Variants in ZSWIM4 observed in about 807,000 individuals in gnomAD.
ZSWIM4 encodes zinc finger SWIM domain-containing protein 4.
In ZSWIM4, 62 loss-of-function variants were observed where a neutral mutation model predicts 102.5. The observed-to-expected ratio is 0.60, with a 90% CI of 0.49 to 0.75. ZSWIM4 has a LOEUF of 0.75. Ranked by LOEUF, ZSWIM4 falls within the 30% of genes least tolerant of loss-of-function variation. ZSWIM4 has a pLI of 0.00. For synonymous variants in ZSWIM4, 652 were observed against 674.5 expected, an observed-to-expected ratio of 0.97 and a Z score of 0.52; for missense variants, 1,280 against 1,529.6, an observed-to-expected ratio of 0.84 and a Z score of 2.72.
Position 13,817,629 on chromosome 19 carries a change from C to A in ZSWIM4, c.1670-93C>A, listed in dbSNP as rs1029592081. The A allele has an allele frequency of 6.8e-6, 10 of 1,477,894 alleles. No homozygotes were observed. The African/African-American group carries it at 9.7e-5, about 14-fold the overall frequency. The allele number at this position is 1,477,894 out of a possible 1,614,324, so 91.5% of individuals were successfully genotyped here. On this transcript the variant is annotated intron_variant, in intron 8 of 13. Coordinates refer to ENST00000590508, the MANE Select transcript of ZSWIM4 (RefSeq NM_001367834.3). ...CTTCTGGGCTCCCTCTAAAGCCTAC[C>A]CTGCGCCCAGGTCTCCATGCTTGAG...
At chr19:13,830,170 C>A in intron 13 of ZSWIM4, 21 bp from the exon 14 acceptor site, 1 of 1,598,424 alleles carries the variant, frequency 6.3e-7, no homozygotes, top group Non-Finnish European at 8.5e-7. Flanking sequence ...TGACGGATTT[C>A]CCTCCCTCAC....
Position 13,830,461 on chromosome 19 carries a change from A to T in ZSWIM4, c.2732A>T (p.Asp911Val). ...AFEAAYQIVLDAAAGGLGHAH... is the reference protein window; with the variant it reads ...AFEAAYQIVLVAAAGGLGHAH... ...GAGGCGGCCTACCAGATCGTGCTGGACGCGGCGGCCGGCGGCCTGGGCCAC... is the reference window on the plus strand; with the variant it reads ...GAGGCGGCCTACCAGATCGTGCTGGTCGCGGCGGCCGGCGGCCTGGGCCAC... Residue 911 changes from aspartate (D) to valine (V), a missense_variant, in exon 14 of 14, where the codon GAC becomes GTC. Physicochemically the swap from Asp to Val is radical, Grantham distance 152. Transcript: ENST00000590508. 6.2e-7 allele frequency: 1 copy of T among 1,605,300 alleles called. No individual in the cohort carries two copies. The highest frequency in any genetic ancestry group is 1.1e-5 in the South Asian group (1 of 91,066).
chr19:13,802,222 C>T (rs1324466782), intron 2 of ZSWIM4, among the ~76,000 whole-genome samples: 6 of 151,542 alleles, frequency 4.0e-5, no homozygotes, highest in Non-Finnish European at 8.8e-5. Context: ...GTGATCCGCC[C>T]GCCTCAGCCT....
rs916722763 is a variant in ZSWIM4, at chr19:13,814,607, G to A, written c.1273G>A (p.Ala425Thr). Reference protein sequence around the residue: ...LLAGELHWNDAYLQRILASDS... With the variant: ...LLAGELHWNDTYLQRILASDS... ...GGCTGGAGAGCTACACTGGAATGAC[G>A]CCTACCTGCAGAGGATCCTGGCCAG... The change falls in exon 7 of 14, where the codon GCC becomes ACC. Residue 425 changes from alanine (A) to threonine (T), a missense_variant. Transcript: ENST00000590508. 40 of 1,237,878 alleles carry A rather than the reference G, an allele frequency of 3.2e-5. No homozygotes were observed. Among genetic ancestry groups the A allele is most frequent in the East Asian group, 6.2e-5 (1 of 16,210 alleles). 76.7% of individuals were successfully genotyped at this position (1,237,878 alleles called of 1,614,324 possible). A position where few individuals can be genotyped will look rare whatever the true frequency, so the allele number is the denominator to read the frequency against.
In ZSWIM4 at chr19:13,814,628, G is replaced by A. The variant is rs1183912890; in HGVS notation, c.1294G>A (p.Ala432Thr). The A allele has an allele frequency of 2.1e-5, 27 of 1,256,180 alleles. No homozygotes were observed. Among genetic ancestry groups the A allele is most frequent in the Non-Finnish European group, 2.8e-5 (27 of 965,742 alleles). 77.8% of individuals were successfully genotyped at this position (1,256,180 alleles called of 1,614,324 possible). ...WNDAYLQRILASDSYGPSLTG... is the reference protein window; with the variant it reads ...WNDAYLQRILTSDSYGPSLTG... ...TGACGCCTACCTGCAGAGGATCCTG[G>A]CCAGTGACTCCTACGGGCCCAGCCT... Residue 432 changes from alanine to threonine, a missense_variant, in exon 7 of 14, where the codon GCC becomes ACC. Coordinates refer to ENST00000590508, the MANE Select transcript of ZSWIM4 (RefSeq NM_001367834.3).
chr19:13,811,634 G>A (rs770575538), intron 5 of ZSWIM4, among the ~76,000 whole-genome samples: 7 of 152,146 alleles, frequency 4.6e-5, no homozygotes, highest in Non-Finnish European at 8.8e-5. Context: ...AGGAGTTCGA[G>A]TGCAGCTTAG....
intron 2 of ZSWIM4, among the ~76,000 whole-genome samples, chr19:13,802,732 C>G (rs988119702): frequency 3.9e-5 from 6 of 152,050 alleles, no homozygotes; most frequent in African/African-American, 1.4e-4. Context: ...GCGCAGGCCA[C>G]CACACTTGAC....
At chr19:13,808,789 C>T in intron 3 of ZSWIM4, 47 bp from the exon 4 acceptor site, 1 of 1,530,378 alleles carries the variant, frequency 6.5e-7, no homozygotes, top group Middle Eastern at 2.0e-4. Context: ...CCAACCCAAC[C>T]CCAACTCCAG....
chr19:13,827,800 G>T (rs745420880), intron 12 of ZSWIM4, among the ~76,000 whole-genome samples: 2 of 152,054 alleles, frequency 1.3e-5, no homozygotes, highest in Non-Finnish European at 2.9e-5. Flanking sequence ...ACCTGTGGAT[G>T]GGGCCTCAGG....
At chr19:13,827,191 G>A (rs1014791852) in intron 12 of ZSWIM4, among the ~76,000 whole-genome samples, 1 of 152,074 alleles carries the variant, frequency 6.6e-6, no homozygotes, top group African/African-American at 2.4e-5. Flanking sequence ...GGAGGCTGAG[G>A]CGAGAGGATC....
chr19:13,804,244 G>C (rs903677208), intron 2 of ZSWIM4, among the ~76,000 whole-genome samples: 2 of 151,984 alleles, frequency 1.3e-5, no homozygotes, highest in Admixed American at 1.3e-4. Flanking sequence ...GCTGAGGCAG[G>C]CGGATCACCT....
intron 9 of ZSWIM4, 126 bp from the exon 10 acceptor site, chr19:13,819,231 A>G (rs1975392381): frequency 7.4e-7 from 1 of 1,344,578 alleles, no homozygotes; most frequent in East Asian, 2.5e-5. Context: ...CCAGAGACCC[A>G]TCTAGCCACA....
Position 13,830,424 on chromosome 19 carries a change from C to T in ZSWIM4, c.2695C>T (p.His899Tyr). 6.2e-7 allele frequency: 1 copy of T among 1,610,802 alleles called. No individual in the cohort carries two copies. The highest frequency in any genetic ancestry group is 2.2e-5 in the East Asian group (1 of 44,882). The change falls in exon 14 of 14, where the codon CAC (histidine) becomes TAC (tyrosine). Residue 899 changes from histidine to tyrosine, a missense_variant. Physicochemically the swap from His to Tyr is moderately conservative, Grantham distance 83 (BLOSUM62 2). Transcript: ENST00000590508. ...LPALTLCEKN[H>Y]SAFEAAYQIV... ...TGCCCTGACCCTGTGCGAGAAGAACCACTCGGCCTTCGAGGCGGCCTACCA... is the reference window on the plus strand; with the variant it reads ...TGCCCTGACCCTGTGCGAGAAGAACTACTCGGCCTTCGAGGCGGCCTACCA...
intron 11 of ZSWIM4, among the ~76,000 whole-genome samples, chr19:13,824,108 G>C (rs1975541879): frequency 6.6e-6 from 1 of 151,616 alleles, no homozygotes; most frequent in Admixed American, 6.6e-5. Context: ...GGGGGATAGA[G>C]AGAGAGGGAG....
In ZSWIM4 at chr19:13,823,332, CTCCCCT is replaced by C. The variant is rs1302769124; in HGVS notation, c.2061-12_2061-7del. ...AGCCCCTCCTCACCATGGCTCACTT[CTCCCCT>C]TACCCAGGCTGCCCATACTGGAGAC... is the stretch of plus-strand genomic sequence containing the variant. On this transcript the variant is annotated splice_region_variant and splice_polypyrimidine_tract_variant and intron_variant, in intron 10 of 13. Coordinates refer to ENST00000590508, the MANE Select transcript of ZSWIM4 (RefSeq NM_001367834.3). The C allele has an allele frequency of 6.2e-7, 1 of 1,609,674 alleles. No homozygotes were observed. The highest frequency in any genetic ancestry group is 8.5e-7 in the Non-Finnish European group (1 of 1,177,308).
chr19:13,812,932 A>G, intron 5 of ZSWIM4, 65 bp from the exon 6 acceptor site: 1 of 1,505,758 alleles, frequency 6.6e-7, no homozygotes, highest in Non-Finnish European at 9.0e-7. Context: ...CACAGTGGGC[A>G]CTGCGGAAGT....
chr19:13,804,307 C>T (rs185594413), intron 2 of ZSWIM4, among the ~76,000 whole-genome samples: 201 of 147,478 alleles, frequency 1.4e-3, no homozygotes, highest in Non-Finnish European at 2.1e-3. Context: ...CCCATCTCTA[C>T]TAAAAATACA....
In ZSWIM4 at chr19:13,825,786, CG is replaced by C; in HGVS notation, c.2379+77del. 2.6e-6 allele frequency: 4 copies of C among 1,516,374 alleles called. No individual in the cohort carries two copies. Among genetic ancestry groups the C allele is most frequent in the Non-Finnish European group, 2.6e-6 (3 of 1,133,620 alleles). 93.9% of individuals were successfully genotyped at this position (1,516,374 alleles called of 1,614,324 possible). A position where few individuals can be genotyped will look rare whatever the true frequency, so the allele number is the denominator to read the frequency against. ...AGGACTGACTGTGAGCTGCGCCTCC[CG>C]GGGCATGGGCTGAGTGTGAGCCACT... On this transcript the variant is annotated intron_variant, in intron 12 of 13. Coordinates refer to ENST00000590508, the MANE Select transcript of ZSWIM4 (RefSeq NM_001367834.3). The surrounding 1 kb of genome is among the most constrained non-coding windows in gnomAD (Gnocchi z 4.6).
intron 7 of ZSWIM4, chr19:13,815,207 G>C (rs552510904): frequency 1.3e-5 from 2 of 153,742 alleles, no homozygotes; most frequent in African/African-American, 2.4e-5. Context: ...CCAGGTTGGA[G>C]TGCAATGGAG....
Sources: gnomAD v4.1 joint callset for allele counts (sites outside exome capture counted in the v4.1 genomes callset) on GRCh38, gnomAD v4.1.1 for gene constraint, Gnocchi (gnomAD v3.1) non-coding constraint, MANE v1.5 for transcripts, NCBI Gene and HGNC (gene_info 2026-07-23, HGNC 2026-07-21) for gene names.